The following ZNF10 variants were observed in gnomAD, a reference collection of about 807,000 sequenced individuals.
ZNF10 encodes zinc finger protein 10.
A neutral mutation model predicts 12.2 loss-of-function variants in ZNF10; 8 were observed. The ratio of observed to expected loss-of-function variants is 0.66; its 90% CI spans 0.39 to 1.18. ZNF10 has a LOEUF of 1.18. Among genes scored for constraint, ZNF10 ranks in the 50% most tolerant of loss-of-function variants. The pLI is 0.01. For synonymous variants in ZNF10, 229 were observed against 228.2 expected (o/e 1.00, Z -0.03); for missense variants, 603 against 678.9 (o/e 0.89, Z 1.24).
Position 133,151,019 on chromosome 12 carries a change from A to G in ZNF10, c.34-9A>G, listed in dbSNP as rs750446545. The G allele has an allele frequency of 5.0e-6, 8 of 1,611,610 alleles. No individual in the cohort carries two copies. Among genetic ancestry groups the G allele is most frequent in the Non-Finnish European group, 6.8e-6 (8 of 1,178,430 alleles). On this transcript the variant is annotated splice_polypyrimidine_tract_variant and intron_variant, in intron 2 of 4. Coordinates refer to ENST00000248211, the MANE Select transcript of ZNF10 (RefSeq NM_015394.5). Reference sequence around the variant, plus strand: ...ATCTGGTGCAATGCAAATGTGTTTGATGTTGTAGACACTGGTGACCTTCAA... The same window carrying G: ...ATCTGGTGCAATGCAAATGTGTTTGGTGTTGTAGACACTGGTGACCTTCAA...
At chr12:133,146,487 C>G (rs1005092631) in intron 2 of ZNF10, among the ~76,000 whole-genome samples, 7 of 152,104 alleles carry the variant, frequency 4.6e-5, no homozygotes, top group African/African-American at 1.7e-4. Flanking sequence ...ACGTTTTCCA[C>G]TTTGGATTTA....
chr12:133,141,042 C>G (rs1237421521), intron 1 of ZNF10, among the ~76,000 whole-genome samples: 2 of 152,158 alleles, frequency 1.3e-5, no homozygotes, highest in Admixed American at 1.3e-4. Context: ...AAGAGTATAT[C>G]TATTCCCACC....
intron 1 of ZNF10, among the ~76,000 whole-genome samples, chr12:133,132,249 A>G (rs1162902515): frequency 1.3e-5 from 2 of 151,110 alleles, no homozygotes; most frequent in African/African-American, 4.9e-5. Context: ...ATTATATTCA[A>G]TTGTCAAGAA....
rs560286751 is a variant in ZNF10 at position 133,137,717 on chromosome 12, T to G, written c.-59-6717T>G. Reference sequence around the variant, plus strand: ...TAAGGGATTAAATGCCTTGTTCACATTTCTATCTTCAAGGCCTGGTACAGA... The same window carrying G: ...TAAGGGATTAAATGCCTTGTTCACAGTTCTATCTTCAAGGCCTGGTACAGA... On this transcript the variant is annotated intron_variant, in intron 1 of 4. Coordinates refer to ENST00000248211, the MANE Select transcript of ZNF10 (RefSeq NM_015394.5). Among the ~76,000 whole-genome samples the G allele has an allele frequency of 2.0e-5, 3 of 152,326 alleles. No homozygotes were observed. In the South Asian group the frequency reaches 6.2e-4, roughly 32 times the overall value.
chr12:133,142,150 C>T (rs1051763272), intron 1 of ZNF10, among the ~76,000 whole-genome samples: 2 of 152,216 alleles, frequency 1.3e-5, no homozygotes, highest in African/African-American at 2.4e-5. Context: ...AGGCCGGGCG[C>T]GGTGGCTCAC....
At chr12:133,140,428 CTTT>C (rs59083992) in intron 1 of ZNF10, among the ~76,000 whole-genome samples, 1 of 123,432 alleles carries the variant, frequency 8.1e-6, no homozygotes, top group Non-Finnish European at 1.7e-5. Flanking sequence ...CACTAGACGT[CTTT>C]TTTTTTTTTT....
intron 2 of ZNF10, among the ~76,000 whole-genome samples, chr12:133,146,251 C>T (rs565430767): frequency 6.6e-6 from 1 of 152,298 alleles, no homozygotes; most frequent in East Asian, 1.9e-4. Flanking sequence ...TACGTCACCA[C>T]CACTGCACTG....
intron 1 of ZNF10, among the ~76,000 whole-genome samples, chr12:133,135,320 C>G (rs1219910120): frequency 6.6e-6 from 1 of 152,166 alleles, no homozygotes; most frequent in Admixed American, 6.5e-5. Flanking sequence ...AAACTCTGCA[C>G]TGTGAGCTGG....
chr12:133,136,549 C>G (rs917629426), intron 1 of ZNF10, among the ~76,000 whole-genome samples: 1 of 152,130 alleles, frequency 6.6e-6, no homozygotes, highest in Non-Finnish European at 1.5e-5. Flanking sequence ...TGATTTTTCT[C>G]TATAATCCTG....
Position 133,156,927 on chromosome 12 carries a change from A to G in ZNF10, c.1681A>G (p.Ile561Val), listed in dbSNP as rs1254107387. The G allele has an allele frequency of 4.1e-6, 6 of 1,446,944 alleles. No individual in the cohort carries two copies. Among genetic ancestry groups the G allele is most frequent in the Admixed American group, 2.6e-5 (1 of 38,380 alleles). The allele number at this position is 1,446,944 out of a possible 1,614,324, so 89.6% of individuals were successfully genotyped here. Residue 561 changes from isoleucine to valine, a missense_variant, in exon 5 of 5, where the codon ATT (isoleucine) becomes GTT (valine). By Grantham distance (29) the Ile-to-Val change is conservative. Coordinates refer to ENST00000248211, the MANE Select transcript of ZNF10 (RefSeq NM_015394.5). ...GTALVNTSNL[I>V]GYQTNHIREN... ...AGCGCTTGTTAATACCTCTAACCTTATTGGATACCAGACAAATCATATTAG... is the reference window on the plus strand; with the variant it reads ...AGCGCTTGTTAATACCTCTAACCTTGTTGGATACCAGACAAATCATATTAG...
rs1454549793 is a variant in ZNF10, at chr12:133,159,022, A to C, written c.*2054A>C. ...AATAGTCACTTAACTGGGGCTCTTA[A>C]CATTGCTAATAACCTGTGGCTCAAT... On this transcript the variant is annotated 3_prime_UTR_variant, in exon 5 of 5. Coordinates refer to ENST00000248211, the MANE Select transcript of ZNF10 (RefSeq NM_015394.5). 1 of 152,234 alleles carries C rather than the reference A, an allele frequency of 6.6e-6. No homozygotes were observed. The highest frequency in any genetic ancestry group is 1.5e-5 in the Non-Finnish European group (1 of 68,042). 9.4% of individuals were successfully genotyped at this position (152,234 alleles called of 1,614,324 possible). A position where few individuals can be genotyped will look rare whatever the true frequency, so the allele number is the denominator to read the frequency against.
At chr12:133,150,976 G>C (rs1956003383) in intron 2 of ZNF10, 52 bp from the exon 3 acceptor site, 1 of 1,587,366 alleles carries the variant, frequency 6.3e-7, no homozygotes, top group Non-Finnish European at 8.6e-7. Context: ...TCAGGAAAGG[G>C]GGATAGCAAA....
rs1955868282 is a variant in ZNF10, at chr12:133,130,638, T to A, written c.-176T>A. 1 of 152,332 alleles carries A rather than the reference T, an allele frequency of 6.6e-6. No individual in the cohort carries two copies. The allele number at this position is 152,332 out of a possible 1,614,324, so 9.4% of individuals were successfully genotyped here. Reference sequence around the variant, plus strand: ...GCCGAGCCGGCCTCAGACTCACCTCTGACGCCGCTCTTCGCGCTCCGCTGG... The same window carrying A: ...GCCGAGCCGGCCTCAGACTCACCTCAGACGCCGCTCTTCGCGCTCCGCTGG... On this transcript the variant is annotated 5_prime_UTR_variant, in exon 1 of 5. Transcript: ENST00000248211.
In ZNF10 at chr12:133,156,223, G is replaced by A; in HGVS notation, c.977G>A (p.Cys326Tyr). ...TGEEPYECKE[C>Y]GKSFSWFSHL... Reference sequence around the variant, plus strand: ...GAGGAACCCTATGAATGTAAAGAATGTGGAAAATCCTTCAGCTGGTTCTCT... The same window carrying A: ...GAGGAACCCTATGAATGTAAAGAATATGGAAAATCCTTCAGCTGGTTCTCT... Residue 326 changes from cysteine to tyrosine, a missense_variant, in exon 5 of 5, where the codon TGT becomes TAT. Physicochemically the swap from Cys to Tyr is radical, Grantham distance 194. Around this residue, in one of 3 missense-constraint regions of ZNF10, gnomAD observed 393 missense variants for 399.7 expected, o/e 0.98. Transcript: ENST00000248211. 1 of 1,614,120 alleles carries A rather than the reference G, an allele frequency of 6.2e-7. No homozygotes were observed. The highest frequency in any genetic ancestry group is 1.1e-5 in the South Asian group (1 of 91,066).
Position 133,156,709 on chromosome 12 carries a change from C to T in ZNF10, c.1463C>T (p.Pro488Leu). The change falls in exon 5 of 5, where the codon CCA becomes CTA. Residue 488 changes from proline (P) to leucine (L), a missense_variant. Physicochemically the swap from Pro to Leu is moderately conservative, Grantham distance 98. Around this residue, in one of 3 missense-constraint regions of ZNF10, gnomAD observed 204 missense variants for 262.8 expected, o/e 0.78. Coordinates refer to ENST00000248211, the MANE Select transcript of ZNF10 (RefSeq NM_015394.5). ...VHQRIHTGEK[P>L]YECCQCGKAF... ...CAGAGGATACACACTGGAGAGAAAC[C>T]ATATGAATGCTGTCAGTGTGGGAAA... is the stretch of plus-strand genomic sequence containing the variant. 1.2e-6 allele frequency: 2 copies of T among 1,613,264 alleles called. No homozygotes were observed. The highest frequency in any genetic ancestry group is 1.7e-6 in the Non-Finnish European group (2 of 1,179,754).
intron 3 of ZNF10, 106 bp from the exon 4 acceptor site, chr12:133,151,703 A>G (rs1298858676): frequency 5.7e-6 from 4 of 699,206 alleles, no homozygotes; most frequent in Non-Finnish European, 9.7e-6. Flanking sequence ...AGTCCCTGCC[A>G]GTCCTGCAGA....
At position 133,158,480 on chromosome 12, in the gene ZNF10, T is replaced by C. The variant is rs1956055252; in HGVS notation, c.*1512T>C. On this transcript the variant is annotated 3_prime_UTR_variant, in exon 5 of 5. Coordinates refer to ENST00000248211, the MANE Select transcript of ZNF10 (RefSeq NM_015394.5). ...GATCAATAAACAGCTTGTAATGTTG[T>C]ATACACATTTATTCTGTTTGTACAA... 2 of 152,260 alleles carry C rather than the reference T, an allele frequency of 1.3e-5. No individual in the cohort carries two copies. Among genetic ancestry groups the C allele is most frequent in the African/African-American group, 4.8e-5 (2 of 41,464 alleles). 9.4% of individuals were successfully genotyped at this position (152,260 alleles called of 1,614,324 possible). A position where few individuals can be genotyped will look rare whatever the true frequency, so the allele number is the denominator to read the frequency against.
intron 1 of ZNF10, among the ~76,000 whole-genome samples, chr12:133,134,389 T>C (rs114175653): frequency 0.016 from 2,490 of 151,468 alleles, 52 homozygotes; most frequent in African/African-American, 0.057. Context: ...CACAGAGAAA[T>C]GTATCATTGC....
chr12:133,147,609 T>G (rs1329319305), intron 2 of ZNF10, among the ~76,000 whole-genome samples: 1 of 28,628 alleles, frequency 3.5e-5, no homozygotes, highest in Admixed American at 2.4e-4. Flanking sequence ...GTTTTCTGAG[T>G]TTTTTTTTTT....
Sources: allele counts gnomAD v4.1 joint callset (sites outside exome capture counted in the v4.1 genomes callset), GRCh38; gene constraint gnomAD v4.1.1; regional missense constraint gnomAD v4.1.1; transcripts MANE v1.5; gene names NCBI Gene and HGNC (gene_info 2026-07-23, HGNC 2026-07-21).